GPHN: variants seen among roughly 807,000 people sequenced by gnomAD.
The protein encoded by GPHN is gephyrin.
A neutral mutation model predicts 95.5 loss-of-function variants in GPHN; 17 were observed. The observed-to-expected ratio is 0.18, with a 90% CI of 0.12 to 0.27. GPHN has a LOEUF of 0.27. Among genes scored for constraint, GPHN ranks in the 10% least tolerant of loss-of-function variants. GPHN has a pLI of 1.00. For missense variants in GPHN, 660 were observed against 978.1 expected, an observed-to-expected ratio of 0.67 and a Z score of 4.34; for synonymous variants, 320 against 322.5, an observed-to-expected ratio of 0.99 and a Z score of 0.08.
At chr14:67,581,929 G>A in the GPHN span, 175 of 765,802 alleles carry the variant, frequency 2.3e-4, 1 homozygote, top group Non-Finnish European at 3.4e-4. Context: ...TATGTTTCTG[G>A]AGGCAATACA....
chr14:66,779,300 T>A (rs1160653659), intron 3 of GPHN, among the ~76,000 whole-genome samples: 1 of 152,194 alleles, frequency 6.6e-6, no homozygotes, highest in East Asian at 1.9e-4. Flanking sequence ...CTCTCATTTT[T>A]CATATGAGGA....
the GPHN span, among the ~76,000 whole-genome samples, chr14:67,235,395 A>G: frequency 2.2e-4 from 33 of 152,048 alleles, no homozygotes; most frequent in Non-Finnish European, 1.5e-5. Flanking sequence ...TCCAAGCCCT[A>G]AATTACCTAC....
At chr14:67,377,022 G>C in the GPHN span, among the ~76,000 whole-genome samples, 2 of 152,066 alleles carry the variant, frequency 1.3e-5, no homozygotes, top group Admixed American at 6.5e-5. Context: ...CTGTTCTTTT[G>C]CCCCTGCCTC....
chr14:67,015,303 G>T (rs1357611603), intron 9 of GPHN, among the ~76,000 whole-genome samples: 1 of 152,052 alleles, frequency 6.6e-6, no homozygotes, highest in African/African-American at 2.4e-5. Flanking sequence ...TATAACAGTG[G>T]GAAAACATTT....
intron 4 of GPHN, among the ~76,000 whole-genome samples, chr14:66,866,747 T>G (rs1023610006): frequency 8.5e-5 from 13 of 152,166 alleles, no homozygotes; most frequent in South Asian, 2.1e-4. Context: ...ACCCCAGCAT[T>G]GAAATAAATT....
chr14:67,688,585 T>C, the GPHN span, among the ~76,000 whole-genome samples: 3 of 150,642 alleles, frequency 2.0e-5, no homozygotes, highest in African/African-American at 4.8e-5. Flanking sequence ...CATACTTCCA[T>C]ATGCTTTGAA....
chr14:67,353,840 T>C, the GPHN span: 5 of 152,262 alleles, frequency 3.3e-5, no homozygotes, highest in African/African-American at 1.2e-4. Flanking sequence ...CCAGGCTGGA[T>C]TGCAGTGGTA....
At chr14:67,633,903 T>C in the GPHN span, among the ~76,000 whole-genome samples, 34 of 152,230 alleles carry the variant, frequency 2.2e-4, no homozygotes, top group Non-Finnish European at 3.7e-4. Context: ...GAAGTTCTCC[T>C]GACCCTTCTC....
intron 16 of GPHN, among the ~76,000 whole-genome samples, chr14:67,118,028 A>C (rs2078790905): frequency 6.6e-6 from 1 of 152,264 alleles, no homozygotes; most frequent in Non-Finnish European, 1.5e-5. Context: ...GGTTATATTA[A>C]AGTTTCTGAG....
chr14:67,692,670 C>T, the GPHN span: 1 of 1,487,512 alleles, frequency 6.7e-7, no homozygotes, highest in South Asian at 1.4e-5. Context: ...TTATTTCCAA[C>T]ATTTTTTTAA....
intron 2 of GPHN, among the ~76,000 whole-genome samples, chr14:66,707,364 G>A (rs968084178): frequency 4.6e-5 from 7 of 152,190 alleles, no homozygotes; most frequent in African/African-American, 1.7e-4. Flanking sequence ...ACATGCACGT[G>A]TTTGTTTATT....
chr14:67,303,403 G>T, the GPHN span: 1 of 712,380 alleles, frequency 1.4e-6, no homozygotes, highest in South Asian at 1.7e-5. Flanking sequence ...AGTGCTGCTG[G>T]TCATTTAAGT....
the GPHN span, among the ~76,000 whole-genome samples, chr14:67,250,055 G>A: frequency 1.3e-5 from 2 of 152,112 alleles, no homozygotes; most frequent in Non-Finnish European, 2.9e-5. Flanking sequence ...TATGAAGCTG[G>A]TTGAGATTCA....
chr14:67,379,794 A>G, the GPHN span, among the ~76,000 whole-genome samples: 1 of 148,504 alleles, frequency 6.7e-6, no homozygotes, highest in Non-Finnish European at 1.5e-5. Flanking sequence ...AGCTGGGACT[A>G]CAGGCGCCCG....
chr14:67,095,157 T>C (rs2077305213), intron 12 of GPHN, among the ~76,000 whole-genome samples: 1 of 152,234 alleles, frequency 6.6e-6, no homozygotes, highest in African/African-American at 2.4e-5. Context: ...TTGGTGTTAA[T>C]GTAAAATTTG....
the GPHN span, among the ~76,000 whole-genome samples, chr14:67,427,784 C>A: frequency 2.0e-5 from 3 of 152,092 alleles, no homozygotes; most frequent in East Asian, 1.9e-4. Flanking sequence ...CTCCTCAGGC[C>A]CCCCTGCACT....
At chr14:67,584,140 A>C in the GPHN span, 1 of 1,611,228 alleles carries the variant, frequency 6.2e-7, no homozygotes. Context: ...TGCCAGTGGA[A>C]GGAGCTGCCC....
chr14:66,528,539 T>C (rs2058783023), intron 1 of GPHN, among the ~76,000 whole-genome samples: 1 of 152,244 alleles, frequency 6.6e-6, no homozygotes, highest in Non-Finnish European at 1.5e-5. Context: ...CGTTAGTTGA[T>C]GCAGCTTCTT....
At chr14:66,630,534 C>T (rs1446781450) in intron 1 of GPHN, among the ~76,000 whole-genome samples, 3 of 151,882 alleles carry the variant, frequency 2.0e-5, no homozygotes, top group Non-Finnish European at 2.9e-5. Flanking sequence ...TGCAGTGGCG[C>T]GATCTCAGCT....
Sources: allele counts gnomAD v4.1 joint callset (sites outside exome capture counted in the v4.1 genomes callset), GRCh38; gene constraint gnomAD v4.1.1; transcripts MANE v1.5; gene names NCBI Gene and HGNC (gene_info 2026-07-23, HGNC 2026-07-21).